The following ASB13 variants were observed in gnomAD, a reference collection of about 807,000 sequenced individuals.
The protein encoded by ASB13 is ankyrin repeat and SOCS box containing 13, also known as ankyrin repeat and SOCS box protein 13.
A neutral mutation model predicts 28.8 loss-of-function variants in ASB13; 33 were observed. That is an observed-to-expected ratio of 1.15 (90% confidence interval 0.87 to 1.53). ASB13 has a LOEUF of 1.53. ASB13 is among the 40% of genes most tolerant of loss of function. ASB13 has a pLI of 0.00. For missense variants in ASB13, 414 were observed against 390.1 expected (o/e 1.06, Z -0.52); for synonymous variants, 182 against 172.9 (o/e 1.05, Z -0.41).
rs930132897 is a variant in ASB13, at chr10:5,640,832, T to A, written c.710-2A>T. The A allele has an allele frequency of 6.2e-7, 1 of 1,613,286 alleles. No homozygotes were observed. The highest frequency in any genetic ancestry group is 8.5e-7 in the Non-Finnish European group (1 of 1,179,738). ...GCTGTGACAGAGTCAGAGGTGTCTC[T>A]GAAAAAGGGAGCAAGGAAGGATGTG... is the stretch of plus-strand genomic sequence containing the variant. On this transcript the variant is annotated splice_acceptor_variant, in intron 5 of 5. Coordinates refer to ENST00000357700, the MANE Select transcript of ASB13 (RefSeq NM_024701.4). LOFTEE classifies it high-confidence loss of function.
rs1834773302 is a variant in ASB13 at position 5,639,503 on chromosome 10, G to A, written c.*1200C>T. On this transcript the variant is annotated 3_prime_UTR_variant, in exon 6 of 6. Transcript: ENST00000357700. Reference sequence around the variant, plus strand: ...GCAAAGTCCTCCAGTTTAACTCCCTGTTGTGGGCGGGGTTCTTAAAATTTA... The same window carrying A: ...GCAAAGTCCTCCAGTTTAACTCCCTATTGTGGGCGGGGTTCTTAAAATTTA... The A allele has an allele frequency of 6.6e-6, 1 of 152,246 alleles. No homozygotes were observed. Among genetic ancestry groups the A allele is most frequent in the Admixed American group, 6.5e-5 (1 of 15,274 alleles). The allele number at this position is 152,246 out of a possible 1,614,324, so 9.4% of individuals were successfully genotyped here.
rs1486462264 is a variant in ASB13, at chr10:5,660,295, G to T, written c.43+6214C>A. On this transcript the variant is annotated intron_variant, in intron 1 of 5. Coordinates refer to ENST00000357700, the MANE Select transcript of ASB13 (RefSeq NM_024701.4). This position sits in a 1 kb window ranked among gnomAD's most constrained non-coding sequence, Gnocchi z 6.1. The stretch of plus-strand genomic sequence containing the variant: ...CTTCCACCCACGATACGACCTTACT[G>T]GCTAGGACCGTGTGCCAGGTGTGGA... 1.3e-5 allele frequency among the ~76,000 whole-genome samples: 2 copies of T among 152,164 alleles called. No individual in the cohort carries two copies. Among genetic ancestry groups the T allele is most frequent in the Non-Finnish European group, 1.5e-5 (1 of 68,044 alleles).
rs1291980581 is a variant in ASB13, at chr10:5,660,246, G to T, written c.43+6263C>A. Among the ~76,000 whole-genome samples, 1 of 152,198 alleles carries T rather than the reference G, an allele frequency of 6.6e-6. No homozygotes were observed. Among genetic ancestry groups the T allele is most frequent in the African/African-American group, 2.4e-5 (1 of 41,448 alleles). ...ACGTCACCTTGAGAAGGAATGACAC[G>T]TGCTTCAGAACGTTCTCTCCACTCT... is the stretch of plus-strand genomic sequence containing the variant. On this transcript the variant is annotated intron_variant, in intron 1 of 5. Transcript: ENST00000357700. This position sits in a 1 kb window ranked among gnomAD's most constrained non-coding sequence, Gnocchi z 6.1.
chr10:5,662,576 GAGAA>G (rs1835189981), intron 1 of ASB13, among the ~76,000 whole-genome samples: 1 of 84,650 alleles, frequency 1.2e-5, no homozygotes, highest in Admixed American at 1.3e-4. Flanking sequence ...GAGAAGAGAA[GAGAA>G]GAGAAGAGAA....
rs749556517 is a variant in ASB13 at position 5,641,918 on chromosome 10, G to A, written c.561C>T (p.His187=). 26 of 1,613,086 alleles carry A rather than the reference G, an allele frequency of 1.6e-5. No homozygotes were observed. The highest frequency in any genetic ancestry group is 2.2e-5 in the Non-Finnish European group (26 of 1,179,090). The change falls in exon 5 of 6, where the codon CAC becomes CAT. Residue 187 remains histidine, a synonymous_variant. Transcript: ENST00000357700. The surrounding 1 kb of genome is among the most constrained non-coding windows in gnomAD (Gnocchi z 8.4). The part of the protein sequence containing the change: ...NAAKLHETAL[H]HAAKVKNVDL... ...CAACATTCTTGACCTTGGCCGCGTG[G>A]TGAAGGGCAGTCTCATGAAGCTTTG...
rs1834958307 is a variant in ASB13 at position 5,649,908 on chromosome 10, G to A, written c.383-804C>T. Among the ~76,000 whole-genome samples, 2 of 152,070 alleles carry A rather than the reference G, an allele frequency of 1.3e-5. No individual in the cohort carries two copies. The highest frequency in any genetic ancestry group is 4.2e-4 in the South Asian group (2 of 4,816). On this transcript the variant is annotated intron_variant, in intron 3 of 5. Transcript: ENST00000357700. The surrounding 1 kb of genome is among the most constrained non-coding windows in gnomAD (Gnocchi z 6.4). ...GGGGTTCCAGGCCCCCCATCCTCCC[G>A]CCCCTGCACATTCCGTCTAGGCTCC...
Position 5,666,505 on chromosome 10 carries a change from G to A in ASB13, c.43+4C>T. On this transcript the variant is annotated splice_donor_region_variant and intron_variant, in intron 1 of 5. Transcript: ENST00000357700. Reference sequence around the variant, plus strand: ...GCTCTGACCTCCGCGGCGCCCGCACGTACCCACGTCGCCCAGGAAGCAGCC... The same window carrying A: ...GCTCTGACCTCCGCGGCGCCCGCACATACCCACGTCGCCCAGGAAGCAGCC... 3.1e-6 allele frequency: 4 copies of A among 1,291,068 alleles called. No homozygotes were observed. Among genetic ancestry groups the A allele is most frequent in the Admixed American group, 3.2e-5 (1 of 31,082 alleles). 80.0% of individuals were successfully genotyped at this position (1,291,068 alleles called of 1,614,324 possible).
chr10:5,644,317 G>C lies in ASB13; in HGVS notation c.518-2356C>G, dbSNP rs1045778286. Among the ~76,000 whole-genome samples, 1 of 152,148 alleles carries C rather than the reference G, an allele frequency of 6.6e-6. No homozygotes were observed. The highest frequency in any genetic ancestry group is 1.5e-5 in the Non-Finnish European group (1 of 68,036). On this transcript the variant is annotated intron_variant, in intron 4 of 5. Coordinates refer to ENST00000357700, the MANE Select transcript of ASB13 (RefSeq NM_024701.4). The surrounding 1 kb of genome is among the most constrained non-coding windows in gnomAD (Gnocchi z 5.1). ...GAGACCAGCCTGCGCAACATAGTGAGACCCTAGCTCTACAAAAATTTAAAA... is the reference window on the plus strand; with the variant it reads ...GAGACCAGCCTGCGCAACATAGTGACACCCTAGCTCTACAAAAATTTAAAA...
At position 5,659,389 on chromosome 10, in the gene ASB13, G is replaced by A. The variant is rs1277734430; in HGVS notation, c.44-6339C>T. 6.6e-6 allele frequency among the ~76,000 whole-genome samples: 1 copy of A among 152,134 alleles called. No individual in the cohort carries two copies. Among genetic ancestry groups the A allele is most frequent in the Non-Finnish European group, 1.5e-5 (1 of 68,020 alleles). On this transcript the variant is annotated intron_variant, in intron 1 of 5. Transcript: ENST00000357700. The surrounding 1 kb of genome is among the most constrained non-coding windows in gnomAD (Gnocchi z 5.8). Reference sequence around the variant, plus strand: ...GCTCACAAGGGCTCCCTCCTCCAGGGTGGAACCCAGGCAAGGAACAAGGTC... The same window carrying A: ...GCTCACAAGGGCTCCCTCCTCCAGGATGGAACCCAGGCAAGGAACAAGGTC...
chr10:5,665,296 T>C (rs941658484), intron 1 of ASB13, among the ~76,000 whole-genome samples: 1 of 152,240 alleles, frequency 6.6e-6, no homozygotes, highest in Non-Finnish European at 1.5e-5. Flanking sequence ...CACATTCAGC[T>C]TATTCATTAC....
chr10:5,658,092 A>G lies in ASB13; in HGVS notation c.44-5042T>C, dbSNP rs1178942039. Among the ~76,000 whole-genome samples the G allele has an allele frequency of 2.0e-5, 3 of 152,190 alleles. No homozygotes were observed. The highest frequency in any genetic ancestry group is 2.9e-5 in the Non-Finnish European group (2 of 68,024). ...AGAATCGCATGAACCCAGGAGACAG[A>G]GGTTGCAGTGAACTGAGATCACACC... On this transcript the variant is annotated intron_variant, in intron 1 of 5. Transcript: ENST00000357700. The surrounding 1 kb of genome is among the most constrained non-coding windows in gnomAD (Gnocchi z 4.2).
At chr10:5,665,563 TCAAA>T (rs1164015183) in intron 1 of ASB13, among the ~76,000 whole-genome samples, 14 of 152,324 alleles carry the variant, frequency 9.2e-5, no homozygotes, top group Non-Finnish European at 1.8e-4. Context: ...ATTAAGCTAA[TCAAA>T]TGCAGATCAC....
At position 5,652,026 on chromosome 10, in the gene ASB13, CCACA is replaced by C. The variant is rs5782851; in HGVS notation, c.232-667_232-664del. ...CAAAAAAAAAAAAAAAAAAAAAAAA[CCACA>C]CACACACACACACACACACACACAC... On this transcript the variant is annotated intron_variant, in intron 2 of 5. Coordinates refer to ENST00000357700, the MANE Select transcript of ASB13 (RefSeq NM_024701.4). This position sits in a 1 kb window ranked among gnomAD's most constrained non-coding sequence, Gnocchi z 5.0. Among the ~76,000 whole-genome samples the C allele has an allele frequency of 8.9e-3, 527 of 59,166 alleles. 5 individuals carry two copies. The highest frequency in any genetic ancestry group is 0.024 in the African/African-American group (332 of 13,994). The allele number at this position is 59,166 out of a possible 152,430, so 38.8% of individuals were successfully genotyped here.
At position 5,641,520 on chromosome 10, in the gene ASB13, AGGTCTGGTGCCCG is replaced by A. The variant is rs1834806939; in HGVS notation, c.709+237_709+249del. The stretch of plus-strand genomic sequence containing the variant: ...GTCAAATGTCCAGCACAGGAGGCAC[AGGTCTGGTGCCCG>A]GGCAGGTGTCGGCCACAGCTTCTGC... On this transcript the variant is annotated intron_variant, in intron 5 of 5. Transcript: ENST00000357700. The surrounding 1 kb of genome is among the most constrained non-coding windows in gnomAD (Gnocchi z 8.4). 6.6e-6 allele frequency among the ~76,000 whole-genome samples: 1 copy of A among 152,236 alleles called. No homozygotes were observed. Among genetic ancestry groups the A allele is most frequent in the African/African-American group, 2.4e-5 (1 of 41,468 alleles).
In ASB13 at chr10:5,649,240, T is replaced by C. The variant is rs1406318277; in HGVS notation, c.383-136A>G. 8.2e-7 allele frequency: 1 copy of C among 1,224,510 alleles called. No homozygotes were observed. Among genetic ancestry groups the C allele is most frequent in the African/African-American group, 1.5e-5 (1 of 67,134 alleles). The allele number at this position is 1,224,510 out of a possible 1,614,324, so 75.9% of individuals were successfully genotyped here. On this transcript the variant is annotated intron_variant, in intron 3 of 5. Transcript: ENST00000357700. The surrounding 1 kb of genome is among the most constrained non-coding windows in gnomAD (Gnocchi z 6.4). ...AGCCAGGCAGGCCTGCGTCCCAACC[T>C]AGGGAGGAGTTCATGACCCGCATGG...
intron 4 of ASB13, among the ~76,000 whole-genome samples, chr10:5,648,058 G>T (rs886693385): frequency 5.4e-5 from 6 of 110,972 alleles, no homozygotes; most frequent in African/African-American, 1.4e-4. Flanking sequence ...CACCCACTCA[G>T]GTAAACACCC....
At position 5,664,464 on chromosome 10, in the gene ASB13, A is replaced by C. The variant is rs1356970438; in HGVS notation, c.43+2045T>G. Among the ~76,000 whole-genome samples, 2 of 152,136 alleles carry C rather than the reference A, an allele frequency of 1.3e-5. No homozygotes were observed. Among genetic ancestry groups the C allele is most frequent in the Non-Finnish European group, 2.9e-5 (2 of 68,026 alleles). ...CCAAGAAAAGCAAGACATTACACAA[A>C]AAGAGAAACATAGTCCCCACATAGC... On this transcript the variant is annotated intron_variant, in intron 1 of 5. Transcript: ENST00000357700. The surrounding 1 kb of genome is among the most constrained non-coding windows in gnomAD (Gnocchi z 4.2).
At position 5,664,402 on chromosome 10, in the gene ASB13, C is replaced by T. The variant is rs990985830; in HGVS notation, c.43+2107G>A. ...ATTAGGGATTAGGCATGGAGAACAC[C>T]GAACCCACAGGTAAACAAAAAGAAC... is the stretch of plus-strand genomic sequence containing the variant. On this transcript the variant is annotated intron_variant, in intron 1 of 5. Transcript: ENST00000357700. The surrounding 1 kb of genome is among the most constrained non-coding windows in gnomAD (Gnocchi z 4.2). Among the ~76,000 whole-genome samples, 10 of 151,974 alleles carry T rather than the reference C, an allele frequency of 6.6e-5. No individual in the cohort carries two copies. Among genetic ancestry groups the T allele is most frequent in the African/African-American group, 2.2e-4 (9 of 41,320 alleles).
At position 5,642,513 on chromosome 10, in the gene ASB13, A is replaced by G; in HGVS notation, c.518-552T>C. 1.6e-6 allele frequency: 2 copies of G among 1,243,090 alleles called. No homozygotes were observed. The highest frequency in any genetic ancestry group is 2.8e-5 in the South Asian group (2 of 71,174). 77.0% of individuals were successfully genotyped at this position (1,243,090 alleles called of 1,614,324 possible). ...ATTCAGAGAAGAGAGTAAGCTCTGC[A>G]CTCCTCAACTTTCTCACGATAAGAG... On this transcript the variant is annotated intron_variant, in intron 4 of 5. Transcript: ENST00000357700. The surrounding 1 kb of genome is among the most constrained non-coding windows in gnomAD (Gnocchi z 4.1).
Sources: allele counts gnomAD v4.1 joint callset (sites outside exome capture counted in the v4.1 genomes callset), GRCh38; gene constraint gnomAD v4.1.1; non-coding constraint Gnocchi (gnomAD v3.1); transcripts MANE v1.5; gene names NCBI Gene and HGNC (gene_info 2026-07-23, HGNC 2026-07-21).